The following POLR2B variants were observed in gnomAD, a reference collection of about 807,000 sequenced individuals.
POLR2B encodes the protein DNA-directed RNA polymerase II subunit RPB2.
A neutral mutation model predicts 144.6 loss-of-function variants in POLR2B; 57 were observed. That is an observed-to-expected ratio of 0.39 (90% CI 0.32 to 0.49). The LOEUF is 0.49. Among genes scored for constraint, POLR2B ranks in the 20% least tolerant of loss-of-function variants. The pLI, the probability that POLR2B is intolerant of heterozygous loss-of-function variation, is 0.83. For synonymous variants in POLR2B, 442 were observed against 469.8 expected (o/e 0.94, Z 0.77); for missense variants, 595 against 1,467.4 (o/e 0.41, Z 9.71).
intron 6 of POLR2B, among the ~76,000 whole-genome samples, chr4:56,998,426 A>G (rs1442921207): frequency 6.6e-6 from 1 of 152,058 alleles, no homozygotes. Context: ...CGAACTCCCA[A>G]CCTCTGGTGA....
Position 57,005,564 on chromosome 4 carries a change from T to C in POLR2B, c.1098-36T>C, listed in dbSNP as rs772597349. On this transcript the variant is annotated intron_variant, in intron 8 of 24. Coordinates refer to ENST00000314595, the MANE Select transcript of POLR2B (RefSeq NM_000938.3). ...AAAAAAAAGTCCAAAACTAAGTGTT[T>C]TCCCTCTTTCTTTCTTTCTTTTTTT... is the stretch of plus-strand genomic sequence containing the variant. 129 of 1,545,776 alleles carry C rather than the reference T, an allele frequency of 8.3e-5. 2 individuals carry two copies. The South Asian group carries it at 9.0e-4, about 11-fold the overall frequency.
chr4:56,999,099 TGTTA>T (rs1722775945), intron 6 of POLR2B, among the ~76,000 whole-genome samples: 1 of 152,166 alleles, frequency 6.6e-6, no homozygotes, highest in South Asian at 2.1e-4. Context: ...TGAAAGGGGC[TGTTA>T]GTTTTGAAAC....
intron 13 of POLR2B, among the ~76,000 whole-genome samples, chr4:57,012,542 A>G (rs1042965123): frequency 1.3e-5 from 2 of 152,324 alleles, no homozygotes; most frequent in African/African-American, 4.8e-5. Context: ...CTTGGGTGAA[A>G]GTGGTTTTTG....
intron 16 of POLR2B, among the ~76,000 whole-genome samples, chr4:57,018,573 C>T (rs1305815326): frequency 6.6e-6 from 1 of 151,852 alleles, no homozygotes; most frequent in African/African-American, 2.4e-5. Context: ...AGAGGTAAGA[C>T]AATAATTTTG....
chr4:56,978,956 G>A lies in POLR2B; in HGVS notation c.-30G>A. The A allele has an allele frequency of 1.9e-6, 3 of 1,612,562 alleles. No individual in the cohort carries two copies. The highest frequency in any genetic ancestry group is 2.5e-6 in the Non-Finnish European group (3 of 1,178,700). On this transcript the variant is annotated 5_prime_UTR_variant, in exon 1 of 25. Coordinates refer to ENST00000314595, the MANE Select transcript of POLR2B (RefSeq NM_000938.3). Reference sequence around the variant, plus strand: ...GGCGGTTTTTGTCTTTTGATTTCAAGAGTTAGGAGCTCGAGAACCGTTTGG... The same window carrying A: ...GGCGGTTTTTGTCTTTTGATTTCAAAAGTTAGGAGCTCGAGAACCGTTTGG...
At chr4:56,986,630 T>G (rs760788360) in intron 2 of POLR2B, 158 of 397,522 alleles carry the variant, frequency 4.0e-4, no homozygotes, top group Non-Finnish European at 6.4e-4. Context: ...AATGTTACCC[T>G]GTACTACATT....
chr4:57,018,131 G>A (rs1332867251), intron 16 of POLR2B, among the ~76,000 whole-genome samples: 1 of 152,166 alleles, frequency 6.6e-6, no homozygotes, highest in Admixed American at 6.5e-5. Flanking sequence ...GTAAATATAT[G>A]GAAGTGAAAG....
intron 6 of POLR2B, among the ~76,000 whole-genome samples, chr4:56,996,435 C>T (rs575610246): frequency 6.1e-4 from 92 of 150,524 alleles, no homozygotes; most frequent in Non-Finnish European, 1.1e-3. Flanking sequence ...CGCCCGCCAC[C>T]GCGCCCGGCT....
At chr4:56,992,713 C>T (rs1297096210) in intron 3 of POLR2B, among the ~76,000 whole-genome samples, 1 of 150,960 alleles carries the variant, frequency 6.6e-6, no homozygotes, top group Non-Finnish European at 1.5e-5. Flanking sequence ...GCGCCTGCCA[C>T]CACGCCCGGC....
At chr4:57,025,045 T>C in intron 22 of POLR2B, 46 bp downstream of exon 22, 1 of 897,950 alleles carries the variant, frequency 1.1e-6, no homozygotes, top group Non-Finnish European at 1.8e-6. Context: ...TTTTTTTTTG[T>C]ATGTGTGTAG....
At chr4:57,004,079 T>C (rs1339807911) in intron 7 of POLR2B, among the ~76,000 whole-genome samples, 2 of 132,614 alleles carry the variant, frequency 1.5e-5, no homozygotes, top group Non-Finnish European at 3.1e-5. Flanking sequence ...CAAGATGGAG[T>C]GCAGTGTCAT....
At chr4:56,988,284 CA>C (rs1722392635) in intron 2 of POLR2B, among the ~76,000 whole-genome samples, 1 of 151,744 alleles carries the variant, frequency 6.6e-6, no homozygotes, top group African/African-American at 2.4e-5. Flanking sequence ...AGCTTTCAAG[CA>C]GAAACAAAAA....
chr4:57,027,017 C>CT (rs1327984730), intron 23 of POLR2B, among the ~76,000 whole-genome samples: 13 of 150,370 alleles, frequency 8.6e-5, no homozygotes, highest in African/African-American at 1.5e-4. Flanking sequence ...AATATTTTGG[C>CT]TTTTTTTTTG....
chr4:57,026,761 G>A (rs1723734041), intron 23 of POLR2B, among the ~76,000 whole-genome samples: 2 of 151,476 alleles, frequency 1.3e-5, no homozygotes, highest in African/African-American at 2.4e-5. Flanking sequence ...ACTCTGTCTC[G>A]ATAACAAAAC....
chr4:56,996,282 T>A (rs80125018), intron 6 of POLR2B, among the ~76,000 whole-genome samples: 7,922 of 84,620 alleles, frequency 0.094, 636 homozygotes, highest in African/African-American at 0.18. Flanking sequence ...ATATATATTT[T>A]TTTTTTTTTT....
intron 6 of POLR2B, among the ~76,000 whole-genome samples, chr4:56,999,347 TATTGGGTAATTCTGAGAGA>T (rs1722786021): frequency 6.6e-6 from 1 of 151,586 alleles, no homozygotes; most frequent in African/African-American, 2.4e-5. Context: ...CCAAATACAG[TATTGGGTAATTCTGAGAGA>T]ATCTTGGCAT....
Position 57,017,423 on chromosome 4 carries a change from TCC to T in POLR2B, c.2155-136_2155-135del. On this transcript the variant is annotated intron_variant, in intron 15 of 24. Coordinates refer to ENST00000314595, the MANE Select transcript of POLR2B (RefSeq NM_000938.3). This position sits in a 1 kb window ranked among gnomAD's most constrained non-coding sequence, Gnocchi z 4.8. ...ATGGTTAAGAGCCGTAATTGATTAT[TCC>T]AAATGGTTATTACTTACTGTTTTTG... The T allele has an allele frequency of 1.2e-6, 1 of 803,036 alleles. No homozygotes were observed. The highest frequency in any genetic ancestry group is 2.0e-6 in the Non-Finnish European group (1 of 505,996). The allele number at this position is 803,036 out of a possible 1,614,324, so 49.7% of individuals were successfully genotyped here. A position where few individuals can be genotyped will look rare whatever the true frequency, so the allele number is the denominator to read the frequency against.
intron 2 of POLR2B, among the ~76,000 whole-genome samples, chr4:56,989,553 G>C (rs1048020088): frequency 1.3e-5 from 2 of 152,238 alleles, no homozygotes; most frequent in Non-Finnish European, 2.9e-5. Context: ...ACCTGATGAA[G>C]CCAAAATGGG....
Position 57,025,264 on chromosome 4 carries a change from A to G in POLR2B, c.3079-113A>G, listed in dbSNP as rs1723677132. 1.7e-5 allele frequency: 14 copies of G among 820,956 alleles called. No individual in the cohort carries two copies. The Admixed American group carries it at 1.9e-4, about 11-fold the overall frequency. The allele number at this position is 820,956 out of a possible 1,614,324, so 50.9% of individuals were successfully genotyped here. On this transcript the variant is annotated intron_variant, in intron 22 of 24. Transcript: ENST00000314595. The stretch of plus-strand genomic sequence containing the variant: ...ACTCTCTTAATTGCTAACATTATAG[A>G]TTAGTTCTGTGCTTTAATTTTTATA...
Sources: gnomAD v4.1 joint callset for allele counts (sites outside exome capture counted in the v4.1 genomes callset) on GRCh38, gnomAD v4.1.1 for gene constraint, Gnocchi (gnomAD v3.1) non-coding constraint, MANE v1.5 for transcripts, NCBI Gene and HGNC (gene_info 2026-07-23, HGNC 2026-07-21) for gene names.